Variants in DLG5 observed in about 807,000 individuals in gnomAD.
DLG5 encodes the protein disks large homolog 5.
A neutral mutation model predicts 189.8 loss-of-function variants in DLG5; 48 were observed. The ratio of observed to expected loss-of-function variants is 0.25; its 90% confidence interval spans 0.20 to 0.32. The LOEUF (loss-of-function observed/expected upper bound fraction) is 0.32. Ranked by LOEUF, DLG5 falls within the 10% of genes least tolerant of loss-of-function variation. The probability of loss-of-function intolerance (pLI) is 1.00; values close to 1 mark genes in which losing one functional copy is unlikely to be tolerated. For synonymous variants in DLG5, 1,016 were observed against 1,054.1 expected (o/e 0.96, Z 0.70); for missense variants, 2,160 against 2,544.7 (o/e 0.85, Z 3.25).
In DLG5 at chr10:77,830,776, A is replaced by G; in HGVS notation, c.1846T>C (p.Trp616Arg). 6.2e-7 allele frequency: 1 copy of G among 1,613,786 alleles called. No homozygotes were observed. Among genetic ancestry groups the G allele is most frequent in the Non-Finnish European group, 8.5e-7 (1 of 1,179,936 alleles). Reference protein sequence around the residue: ...DSAIDTDSMEWETEVVEFERE... With the variant: ...DSAIDTDSMERETEVVEFERE... ...TCGAACTCTACAACTTCCGTTTCCC[A>G]CTCCATGGAATCCGTGTCAATGGCC... The change falls in exon 10 of 32, where the codon TGG becomes CGG. Residue 616 changes from tryptophan (W) to arginine (R), a missense_variant. By Grantham distance (101) the Trp-to-Arg change is moderately radical. Coordinates refer to ENST00000372391, the MANE Select transcript of DLG5 (RefSeq NM_004747.4).
In DLG5 at chr10:77,871,497, C is replaced by T. The variant is rs527643510; in HGVS notation, c.305-2300G>A. On this transcript the variant is annotated intron_variant, in intron 1 of 31. Transcript: ENST00000372391. ...ATTAGTTTTGCTGTACATTCAATAT[C>T]TCTGCATTTTTGTCTCAACAAAAAC... 9.4e-5 allele frequency among the ~76,000 whole-genome samples: 14 copies of T among 148,638 alleles called. No individual in the cohort carries two copies. In the South Asian group the frequency reaches 3.0e-3, roughly 32 times the overall value.
In DLG5 at chr10:77,809,561, C is replaced by A; in HGVS notation, c.4633G>T (p.Asp1545Tyr). The stretch of plus-strand genomic sequence containing the variant: ...TCAGAACTCACCTCCAGGATGAGGT[C>A]CCCTGGCACGAGGCCGTCAGGACCC... ...AKGPDGLVPG[D>Y]LILEYGSLDV... Residue 1545 changes from aspartate (D) to tyrosine (Y), a missense_variant, in exon 24 of 32, where the codon GAC becomes TAC. Physicochemically the swap from Asp to Tyr is radical, Grantham distance 160. Around this residue, in one of 5 missense-constraint regions of DLG5, gnomAD observed 574 missense variants for 644.2 expected, o/e 0.89. Coordinates refer to ENST00000372391, the MANE Select transcript of DLG5 (RefSeq NM_004747.4). 1.2e-6 allele frequency: 2 copies of A among 1,613,020 alleles called. No individual in the cohort carries two copies. The highest frequency in any genetic ancestry group is 1.7e-6 in the Non-Finnish European group (2 of 1,179,432).
intron 2 of DLG5, among the ~76,000 whole-genome samples, chr10:77,858,910 T>C (rs1211191481): frequency 6.6e-6 from 1 of 152,226 alleles, no homozygotes; most frequent in Non-Finnish European, 1.5e-5. Flanking sequence ...GGTCTTGTTG[T>C]CACCCAGGCT....
intron 1 of DLG5, among the ~76,000 whole-genome samples, chr10:77,914,649 C>T (rs1455564059): frequency 1.3e-5 from 2 of 152,228 alleles, no homozygotes; most frequent in South Asian, 4.2e-4. Flanking sequence ...CTGGGTCATT[C>T]ATCCATGTCC....
At chr10:77,853,682 A>G (rs1844092847) in intron 4 of DLG5, 145 bp from the exon 5 acceptor site, 2 of 816,494 alleles carry the variant, frequency 2.4e-6, no homozygotes, top group South Asian at 2.4e-5. Context: ...TAGCACTCAG[A>G]GGCAAGCCAA....
At chr10:77,825,969 T>C (rs1842616696) in intron 13 of DLG5, among the ~76,000 whole-genome samples, 1 of 152,206 alleles carries the variant, frequency 6.6e-6, no homozygotes, top group African/African-American at 2.4e-5. Context: ...ATAGTGGCCA[T>C]ATAGCTTTTA....
At chr10:77,808,008 A>G in intron 24 of DLG5, 64 bp from the exon 25 acceptor site, 1 of 1,596,400 alleles carries the variant, frequency 6.3e-7, no homozygotes, top group Non-Finnish European at 8.5e-7. Context: ...GGCACCCGAG[A>G]GGGGCCAGTG....
At chr10:77,793,903 G>A in intron 31 of DLG5, 105 bp downstream of exon 31, 1 of 978,912 alleles carries the variant, frequency 1.0e-6, no homozygotes, top group Non-Finnish European at 1.6e-6. Context: ...GCACTTGGGA[G>A]CATGTAGAAA....
intron 1 of DLG5, among the ~76,000 whole-genome samples, chr10:77,887,522 A>G (rs1435426671): frequency 6.6e-6 from 1 of 152,214 alleles, no homozygotes; most frequent in Non-Finnish European, 1.5e-5. Context: ...GTCAGAAAAA[A>G]AAATTAATAT....
At position 77,817,812 on chromosome 10, in the gene DLG5, T is replaced by G. The variant is rs143912221; in HGVS notation, c.3749A>C (p.His1250Pro). 1.3e-6 allele frequency: 2 copies of G among 1,555,644 alleles called. No individual in the cohort carries two copies. Among genetic ancestry groups the G allele is most frequent in the South Asian group, 2.4e-5 (2 of 84,278 alleles). Residue 1250 changes from histidine to proline, a missense_variant, in exon 18 of 32, where the codon CAT becomes CCT. Transcript: ENST00000372391. The stretch of plus-strand genomic sequence containing the variant: ...GCTGGAGGGCAGTGAGTTGGACCCA[T>G]GGGTGGCTCTCATCTCGGAGTAGTC... ...CSDYSEMRAT[H>P]GSNSLPSSAR...
intron 27 of DLG5, among the ~76,000 whole-genome samples, chr10:77,798,747 G>A (rs1173203643): frequency 6.6e-6 from 1 of 151,998 alleles, no homozygotes; most frequent in Non-Finnish European, 1.5e-5. Flanking sequence ...CCCTGCTGAT[G>A]GACACTACGT....
rs191528935 is a variant in DLG5 at position 77,828,094 on chromosome 10, A to G, written c.2289+788T>C. Among the ~76,000 whole-genome samples the G allele has an allele frequency of 3.0e-3, 457 of 152,120 alleles. 2 individuals carry two copies. Among genetic ancestry groups the G allele is most frequent in the African/African-American group, 9.9e-3 (412 of 41,542 alleles). ...AAGTATTACATTTAGTTAAAAAAAA[A>G]GGGGTGGCATTTAAAAGTCACAACA... On this transcript the variant is annotated intron_variant, in intron 13 of 31. Coordinates refer to ENST00000372391, the MANE Select transcript of DLG5 (RefSeq NM_004747.4).
chr10:77,929,568 A>G (rs1187105397), upstream of DLG5: 2 of 152,246 alleles, frequency 1.3e-5, no homozygotes, highest in African/African-American at 4.8e-5. Flanking sequence ...GTCCTCATCC[A>G]ATAACTGTTG....
intron 2 of DLG5, among the ~76,000 whole-genome samples, chr10:77,858,217 A>G (rs1410180069): frequency 6.6e-6 from 1 of 152,196 alleles, no homozygotes; most frequent in Non-Finnish European, 1.5e-5. Flanking sequence ...CATGTGCCAC[A>G]TAACAACGTT....
chr10:77,892,946 A>G (rs947799030), intron 1 of DLG5, among the ~76,000 whole-genome samples: 2 of 152,244 alleles, frequency 1.3e-5, no homozygotes, highest in Admixed American at 6.5e-5. Context: ...GACTAAACGC[A>G]GTAGGTACTG....
chr10:77,816,768 A>T, intron 19 of DLG5, 67 bp from the exon 20 acceptor site: 1 of 1,555,346 alleles, frequency 6.4e-7, no homozygotes. Flanking sequence ...CAAGACCAAG[A>T]GGCAGGTGCG....
chr10:77,914,374 C>T (rs562731793), intron 1 of DLG5, among the ~76,000 whole-genome samples: 8 of 152,148 alleles, frequency 5.3e-5, no homozygotes, highest in East Asian at 1.9e-4. Context: ...GCTCCAGAGG[C>T]GGCAGCAGCA....
At chr10:77,809,446 T>G in intron 24 of DLG5, 101 bp downstream of exon 24, 32 of 1,319,688 alleles carry the variant, frequency 2.4e-5, no homozygotes, top group African/African-American at 3.0e-5. Context: ...GCTCACCAGA[T>G]GAGAGGCTGT....
At chr10:77,814,461 T>TTTTATTTA (rs1279061097) in intron 20 of DLG5, among the ~76,000 whole-genome samples, 1 of 70,700 alleles carries the variant, frequency 1.4e-5, no homozygotes, top group Non-Finnish European at 3.1e-5. Context: ...TAAAGCATGT[T>TTTTATTTA]TATATATATA....
Sources: allele counts gnomAD v4.1 joint callset (sites outside exome capture counted in the v4.1 genomes callset), GRCh38; gene constraint gnomAD v4.1.1; regional missense constraint gnomAD v4.1.1; transcripts MANE v1.5; gene names NCBI Gene and HGNC (gene_info 2026-07-23, HGNC 2026-07-21).